PPP2R5E: variants seen among roughly 807,000 people sequenced by gnomAD.
PPP2R5E encodes serine/threonine-protein phosphatase 2A 56 kDa regulatory subunit epsilon isoform.
A neutral mutation model predicts 65.3 loss-of-function variants in PPP2R5E; 4 were observed. The ratio of observed to expected loss-of-function variants is 0.06; its 90% CI spans 0.03 to 0.14. The LOEUF (loss-of-function observed/expected upper bound fraction) is 0.14. Among genes scored for constraint, PPP2R5E ranks in the 10% least tolerant of loss-of-function variants. PPP2R5E has a pLI of 1.00. For missense variants in PPP2R5E, 274 were observed against 556.1 expected (o/e 0.49, Z 5.10); for synonymous variants, 183 against 187.4 (o/e 0.98, Z 0.19).
chr14:63,410,869 C>T (rs924583434), intron 5 of PPP2R5E, among the ~76,000 whole-genome samples: 2 of 152,158 alleles, frequency 1.3e-5, no homozygotes, highest in Non-Finnish European at 2.9e-5. Context: ...CATTCAGGAA[C>T]TGGGGTGAGC....
intron 3 of PPP2R5E, among the ~76,000 whole-genome samples, chr14:63,428,085 C>G (rs1030889421): frequency 1.4e-4 from 21 of 152,106 alleles, no homozygotes; most frequent in African/African-American, 4.8e-4. Flanking sequence ...CTGCCAGTGC[C>G]ACTCAAAGGA....
In PPP2R5E at chr14:63,389,666, G is replaced by A. The variant is rs768347284; in HGVS notation, c.1020C>T (p.Ile340=). The change falls in exon 11 of 14, where the codon ATC becomes ATT. Residue 340 remains isoleucine (I), a synonymous_variant. Transcript: ENST00000337537. ...DVIEPSQFVK[I]QEPLFKQIAK... is the part of the protein sequence containing the mutation. Reference sequence around the variant, plus strand: ...CGATTTGTTTAAACAAAGGTTCTTGGATTTTAACAAATTGTGAAGGTTCAA... The same window carrying A: ...CGATTTGTTTAAACAAAGGTTCTTGAATTTTAACAAATTGTGAAGGTTCAA... 5.0e-6 allele frequency: 8 copies of A among 1,612,206 alleles called. No individual in the cohort carries two copies. The Admixed American group carries it at 1.3e-4, about 27-fold the overall frequency.
chr14:63,466,827 GTA>G (rs1449512819), intron 2 of PPP2R5E, among the ~76,000 whole-genome samples: 5 of 152,146 alleles, frequency 3.3e-5, no homozygotes, highest in Admixed American at 6.6e-5. Context: ...ACAGTTTTGA[GTA>G]TATGACTCCA....
intron 5 of PPP2R5E, among the ~76,000 whole-genome samples, chr14:63,407,972 A>G (rs1032908524): frequency 2.6e-5 from 4 of 152,214 alleles, no homozygotes; most frequent in Non-Finnish European, 5.9e-5. Context: ...TTTATAAATT[A>G]CCCAGTCTGA....
At chr14:63,484,924 T>C (rs901391445) in intron 2 of PPP2R5E, among the ~76,000 whole-genome samples, 12 of 151,236 alleles carry the variant, frequency 7.9e-5, no homozygotes, top group African/African-American at 1.7e-4. Flanking sequence ...TCCTGAGAGG[T>C]TGCACTTTCA....
At chr14:63,404,526 C>T (rs990663407) in intron 5 of PPP2R5E, among the ~76,000 whole-genome samples, 1 of 152,124 alleles carries the variant, frequency 6.6e-6, no homozygotes, top group African/African-American at 2.4e-5. Context: ...TGAATCAGAA[C>T]GACTCAAGGG....
At chr14:63,489,716 A>C (rs1236383940) in intron 2 of PPP2R5E, among the ~76,000 whole-genome samples, 1 of 151,982 alleles carries the variant, frequency 6.6e-6, no homozygotes, top group Non-Finnish European at 1.5e-5. Flanking sequence ...CCAATACCAA[A>C]ATTCTTAATT....
chr14:63,461,596 A>C (rs188651737), intron 2 of PPP2R5E, among the ~76,000 whole-genome samples: 4 of 151,096 alleles, frequency 2.6e-5, no homozygotes, highest in Admixed American at 2.6e-4. Flanking sequence ...CAGGTGTTTG[A>C]GACTAGCCTA....
intron 5 of PPP2R5E, among the ~76,000 whole-genome samples, chr14:63,413,877 A>C (rs1199804261): frequency 6.6e-6 from 1 of 152,218 alleles, no homozygotes; most frequent in Non-Finnish European, 1.5e-5. Flanking sequence ...CCAGTGTGGT[A>C]CCAAAGTACT....
At chr14:63,500,433 T>C (rs905445670) in intron 2 of PPP2R5E, among the ~76,000 whole-genome samples, 5 of 152,228 alleles carry the variant, frequency 3.3e-5, no homozygotes, top group African/African-American at 1.2e-4. Context: ...GGAAATCGTT[T>C]ACATTGACTA....
intron 2 of PPP2R5E, among the ~76,000 whole-genome samples, chr14:63,488,173 G>A (rs79093830): frequency 0.031 from 4,757 of 151,798 alleles, 222 homozygotes; most frequent in African/African-American, 0.11. Flanking sequence ...CTACTTAGCA[G>A]GCATTTAATA....
At chr14:63,412,808 C>A (rs968227758) in intron 5 of PPP2R5E, among the ~76,000 whole-genome samples, 4 of 152,204 alleles carry the variant, frequency 2.6e-5, no homozygotes, top group Admixed American at 1.3e-4. Flanking sequence ...ATCCTATTGT[C>A]TGACCCCTGG....
chr14:63,482,450 C>T (rs943622677), intron 2 of PPP2R5E, among the ~76,000 whole-genome samples: 3 of 152,140 alleles, frequency 2.0e-5, no homozygotes, highest in Non-Finnish European at 4.4e-5. Context: ...CAGAGTGGGA[C>T]TCCGTCTTGG....
At chr14:63,540,591 C>T (rs1455043831) in intron 1 of PPP2R5E, among the ~76,000 whole-genome samples, 2 of 150,628 alleles carry the variant, frequency 1.3e-5, no homozygotes, top group African/African-American at 4.9e-5. Flanking sequence ...GGCATGGTGG[C>T]GCATGCCTGT....
In PPP2R5E at chr14:63,534,278, T is replaced by A. The variant is rs375920310; in HGVS notation, c.157+5251A>T. On this transcript the variant is annotated intron_variant, in intron 2 of 13. Coordinates refer to ENST00000337537, the MANE Select transcript of PPP2R5E (RefSeq NM_006246.5). The stretch of plus-strand genomic sequence containing the variant: ...CTGCTGTGTAAGTGTAAGGAAAGTA[T>A]CCAAGTCTTGACTTTCTTTTTTTTT... 3.7e-4 allele frequency among the ~76,000 whole-genome samples: 57 copies of A among 152,268 alleles called. 1 individual carries two copies. The highest frequency in any genetic ancestry group is 1.3e-3 in the African/African-American group (56 of 41,534).
chr14:63,440,510 G>A (rs1888169668), intron 3 of PPP2R5E, among the ~76,000 whole-genome samples: 1 of 151,948 alleles, frequency 6.6e-6, no homozygotes, highest in South Asian at 2.1e-4. Context: ...TTAAATCAAA[G>A]GCTTTTTTAC....
chr14:63,400,609 G>A (rs1032607370), intron 5 of PPP2R5E, among the ~76,000 whole-genome samples: 1 of 149,802 alleles, frequency 6.7e-6, no homozygotes, highest in Non-Finnish European at 1.5e-5. Context: ...AACAATTTTG[G>A]AGCCCATCAG....
intron 3 of PPP2R5E, among the ~76,000 whole-genome samples, chr14:63,447,033 A>G (rs1888519087): frequency 6.6e-6 from 1 of 152,138 alleles, no homozygotes; most frequent in Non-Finnish European, 1.5e-5. Context: ...GTTGTCATCT[A>G]GGCTTTGCTG....
At chr14:63,484,250 T>C (rs1890863261) in intron 2 of PPP2R5E, among the ~76,000 whole-genome samples, 1 of 151,946 alleles carries the variant, frequency 6.6e-6, no homozygotes, top group Non-Finnish European at 1.5e-5. Context: ...GAGAAAATTT[T>C]CTAGCCTGGA....
Sources: allele counts gnomAD v4.1 joint callset (sites outside exome capture counted in the v4.1 genomes callset), GRCh38; gene constraint gnomAD v4.1.1; transcripts MANE v1.5; gene names NCBI Gene and HGNC (gene_info 2026-07-23, HGNC 2026-07-21).